Variants in NALF1 observed in about 807,000 individuals in gnomAD.
The protein encoded by NALF1 is family with sequence similarity 155 member A.
In NALF1, 3 loss-of-function variants were observed where a neutral mutation model predicts 48.4. That is an observed-to-expected ratio of 0.06 (90% CI 0.03 to 0.16). The LOEUF is 0.16. Ranked by LOEUF, NALF1 falls within the 10% of genes least tolerant of loss-of-function variation. The pLI, the probability that NALF1 is intolerant of heterozygous loss-of-function variation, is 1.00. For missense variants in NALF1, 526 were observed against 571.5 expected (o/e 0.92, Z 0.81); for synonymous variants, 262 against 245.7 (o/e 1.07, Z -0.62).
In NALF1 at chr13:107,500,956, GT is replaced by G. The variant is rs1182949853; in HGVS notation, c.916-290202del. On this transcript the variant is annotated intron_variant, in intron 1 of 2. Coordinates refer to ENST00000375915, the MANE Select transcript of NALF1 (RefSeq NM_001080396.3). ...ATCACACTCTGAGGACTGTTGTGGG[GT>G]GGGGGGAGTGGGGAGGGATAGCTTT... Among the ~76,000 whole-genome samples, 5 of 151,734 alleles carry G rather than the reference GT, an allele frequency of 3.3e-5. No individual in the cohort carries two copies. In the East Asian group the frequency reaches 9.7e-4, roughly 30 times the overall value.
At chr13:107,369,981 A>G (rs1233207260) in intron 1 of NALF1, among the ~76,000 whole-genome samples, 2 of 152,202 alleles carry the variant, frequency 1.3e-5, no homozygotes, top group Non-Finnish European at 2.9e-5. Flanking sequence ...TATGAATTCA[A>G]ATTAACACAG....
At chr13:107,390,840 T>C (rs1312609483) in intron 1 of NALF1, among the ~76,000 whole-genome samples, 2 of 151,384 alleles carry the variant, frequency 1.3e-5, no homozygotes, top group Non-Finnish European at 2.9e-5. Context: ...TTTTTGTACA[T>C]CTACACGACC....
intron 1 of NALF1, among the ~76,000 whole-genome samples, chr13:107,347,401 G>T (rs1390181006): frequency 1.3e-5 from 2 of 152,222 alleles, no homozygotes; most frequent in Non-Finnish European, 2.9e-5. Flanking sequence ...CAAGAGGACA[G>T]GTCTAAACTC....
At chr13:107,660,609 C>G (rs932183733) in intron 1 of NALF1, among the ~76,000 whole-genome samples, 3 of 152,008 alleles carry the variant, frequency 2.0e-5, no homozygotes, top group African/African-American at 4.8e-5. Flanking sequence ...AGAAAATTAT[C>G]AAATCTACAG....
chr13:107,240,444 T>C (rs1244853861), intron 1 of NALF1, among the ~76,000 whole-genome samples: 2 of 152,194 alleles, frequency 1.3e-5, no homozygotes, highest in African/African-American at 4.8e-5. Context: ...AAAATGAGTA[T>C]GACAATAACA....
chr13:107,237,055 A>G (rs1291329554), intron 1 of NALF1, among the ~76,000 whole-genome samples: 6 of 150,372 alleles, frequency 4.0e-5, no homozygotes, highest in Admixed American at 2.7e-4. Flanking sequence ...TCCTGAATCA[A>G]TCCCACACAG....
At chr13:107,200,994 A>G (rs1293274176) in intron 2 of NALF1, among the ~76,000 whole-genome samples, 1 of 152,176 alleles carries the variant, frequency 6.6e-6, no homozygotes, top group Non-Finnish European at 1.5e-5. Context: ...ACACTCATCC[A>G]GTGAAATTGC....
At chr13:107,331,382 T>A (rs1882465505) in intron 1 of NALF1, among the ~76,000 whole-genome samples, 1 of 152,158 alleles carries the variant, frequency 6.6e-6, no homozygotes, top group African/African-American at 2.4e-5. Context: ...CACTGTAATG[T>A]TTACCATGTT....
chr13:107,471,583 T>G (rs1885101836), intron 1 of NALF1, among the ~76,000 whole-genome samples: 1 of 152,210 alleles, frequency 6.6e-6, no homozygotes, highest in Non-Finnish European at 1.5e-5. Flanking sequence ...ACTAAGAAAT[T>G]ATTGGTAATT....
intron 1 of NALF1, among the ~76,000 whole-genome samples, chr13:107,809,532 C>T (rs1399355337): frequency 6.6e-6 from 1 of 152,098 alleles, no homozygotes; most frequent in Non-Finnish European, 1.5e-5. Context: ...AACTGACGCA[C>T]CCACTGTTCA....
chr13:107,279,043 C>CTTTTT (rs200133690), intron 1 of NALF1, among the ~76,000 whole-genome samples: 78 of 122,920 alleles, frequency 6.3e-4, no homozygotes, highest in African/African-American at 9.8e-4. Context: ...TTCTTTTCTT[C>CTTTTT]TTTTTTTTTT....
chr13:107,281,408 G>A (rs9587339), intron 1 of NALF1, among the ~76,000 whole-genome samples: 5,243 of 152,288 alleles, frequency 0.034, 99 homozygotes, highest in Middle Eastern at 0.061. Flanking sequence ...GGCATAATTT[G>A]AGCATGAGGG....
intron 1 of NALF1, among the ~76,000 whole-genome samples, chr13:107,373,310 G>A (rs1883279140): frequency 6.6e-6 from 1 of 152,180 alleles, no homozygotes; most frequent in African/African-American, 2.4e-5. Context: ...AAATTCTCTG[G>A]AGATCGAAGA....
intron 1 of NALF1, among the ~76,000 whole-genome samples, chr13:107,369,715 C>T (rs1171328711): frequency 6.6e-6 from 1 of 152,000 alleles, no homozygotes; most frequent in African/African-American, 2.4e-5. Flanking sequence ...AAATGTTATA[C>T]AGTTTTTAAG....
At chr13:107,271,230 T>G (rs1881158256) in intron 1 of NALF1, among the ~76,000 whole-genome samples, 1 of 152,156 alleles carries the variant, frequency 6.6e-6, no homozygotes, top group Admixed American at 6.6e-5. Context: ...CATTTGACCT[T>G]AATATAGAGA....
At chr13:107,767,494 C>T (rs1877448150) in intron 1 of NALF1, among the ~76,000 whole-genome samples, 1 of 152,190 alleles carries the variant, frequency 6.6e-6, no homozygotes. Context: ...TGGCTCTCAT[C>T]AGAATATTTT....
At chr13:107,538,158 C>G (rs1243215598) in intron 1 of NALF1, among the ~76,000 whole-genome samples, 1 of 152,126 alleles carries the variant, frequency 6.6e-6, no homozygotes, top group Non-Finnish European at 1.5e-5. Flanking sequence ...CCACAATTGA[C>G]TTTCAATTCT....
intron 1 of NALF1, among the ~76,000 whole-genome samples, chr13:107,513,717 G>GA (rs1875968250): frequency 6.6e-6 from 1 of 152,170 alleles, no homozygotes; most frequent in Non-Finnish European, 1.5e-5. Flanking sequence ...GAGAATGGCT[G>GA]AAAGCACATG....
At chr13:107,385,378 C>T (rs902808274) in intron 1 of NALF1, among the ~76,000 whole-genome samples, 2 of 151,950 alleles carry the variant, frequency 1.3e-5, no homozygotes, top group African/African-American at 4.8e-5. Context: ...CACGGCAAAA[C>T]TCCGTCTCTA....
Sources: allele counts gnomAD v4.1 joint callset (sites outside exome capture counted in the v4.1 genomes callset), GRCh38; gene constraint gnomAD v4.1.1; transcripts MANE v1.5; gene names NCBI Gene and HGNC (gene_info 2026-07-23, HGNC 2026-07-21).